DPP6: variants seen among roughly 807,000 people sequenced by gnomAD.
DPP6 encodes the protein A-type potassium channel modulatory protein DPP6.
A neutral mutation model predicts 122.6 loss-of-function variants in DPP6; 69 were observed. That is an observed-to-expected ratio of 0.56 (90% confidence interval 0.46 to 0.69). The LOEUF is 0.69. Ranked by LOEUF, DPP6 falls within the 30% of genes least tolerant of loss-of-function variation. The pLI, the probability that DPP6 is intolerant of heterozygous loss-of-function variation, is 0.00. For synonymous variants in DPP6, 418 were observed against 433.1 expected (o/e 0.97, Z 0.43); for missense variants, 928 against 1,116.9 (o/e 0.83, Z 2.41).
intron 2 of DPP6, among the ~76,000 whole-genome samples, chr7:154,472,329 A>G (rs1287276811): frequency 6.6e-6 from 1 of 152,186 alleles, no homozygotes. Context: ...CAATGCCAAC[A>G]CACACAATCT....
the DPP6 span, among the ~76,000 whole-genome samples, chr7:153,767,637 C>T: frequency 2.0e-5 from 3 of 151,346 alleles, no homozygotes; most frequent in East Asian, 5.8e-4. Flanking sequence ...CCTCAGCCTC[C>T]CAAAGTGCTG....
At chr7:154,567,923 T>C (rs925648522) in intron 5 of DPP6, among the ~76,000 whole-genome samples, 1 of 152,260 alleles carries the variant, frequency 6.6e-6, no homozygotes, top group Non-Finnish European at 1.5e-5. Flanking sequence ...ATTGGACAAC[T>C]GGATTACTGG....
chr7:154,339,065 T>C (rs1809684408), intron 1 of DPP6, among the ~76,000 whole-genome samples: 1 of 152,220 alleles, frequency 6.6e-6, no homozygotes, highest in South Asian at 2.1e-4. Context: ...AGATTATTTG[T>C]TTCCTCTTAA....
intron 1 of DPP6, among the ~76,000 whole-genome samples, chr7:153,983,002 C>T (rs1338090578): frequency 1.3e-5 from 2 of 152,188 alleles, no homozygotes; most frequent in African/African-American, 4.8e-5. Context: ...GGAGGTGTCT[C>T]CCCGTCAGGA....
At chr7:154,321,606 AC>A (rs1435548013) in intron 1 of DPP6, among the ~76,000 whole-genome samples, 1 of 151,900 alleles carries the variant, frequency 6.6e-6, no homozygotes, top group African/African-American at 2.4e-5. Flanking sequence ...ATATGGTGAA[AC>A]CCCGTCTCTA....
At chr7:154,774,441 T>C (rs569462469) in intron 10 of DPP6, among the ~76,000 whole-genome samples, 1 of 152,314 alleles carries the variant, frequency 6.6e-6, no homozygotes, top group South Asian at 2.1e-4. Flanking sequence ...AGCCATCTGT[T>C]TGAGTTAATT....
chr7:153,947,042 T>C (rs543684556), intron 1 of DPP6, among the ~76,000 whole-genome samples: 20 of 152,144 alleles, frequency 1.3e-4, no homozygotes, highest in Non-Finnish European at 2.4e-4. Context: ...CCGGGGATGA[T>C]TCACAAGGGT....
intron 1 of DPP6, among the ~76,000 whole-genome samples, chr7:154,117,363 A>G (rs1021282201): frequency 1.2e-4 from 18 of 152,178 alleles, no homozygotes; most frequent in South Asian, 2.1e-4. Flanking sequence ...AAGTTACTGC[A>G]GTCCTGTCTT....
chr7:154,214,795 A>C (rs551866868), intron 1 of DPP6, among the ~76,000 whole-genome samples: 1 of 152,196 alleles, frequency 6.6e-6, no homozygotes, highest in East Asian at 1.9e-4. Flanking sequence ...GTGTGTGCCT[A>C]TAGTCCTAGC....
Position 153,999,180 on chromosome 7 carries a change from A to T in DPP6, c.51+111446A>T, listed in dbSNP as rs189969914. The stretch of plus-strand genomic sequence containing the variant: ...GAGCTGTATTGTTCTGTGATGTGGG[A>T]CAATCTTCTCGAGCAGTATCAATGC... On this transcript the variant is annotated intron_variant, in intron 1 of 25. Transcript: ENST00000404039. Among the ~76,000 whole-genome samples, 4 of 152,304 alleles carry T rather than the reference A, an allele frequency of 2.6e-5. No homozygotes were observed. The East Asian group carries it at 7.7e-4, about 29-fold the overall frequency.
chr7:154,412,082 G>A lies in DPP6; in HGVS notation c.244-34132G>A, dbSNP rs532440216. 7.9e-4 allele frequency among the ~76,000 whole-genome samples: 120 copies of A among 152,208 alleles called. 1 individual carries two copies. Among genetic ancestry groups the A allele is most frequent in the African/African-American group, 2.7e-3 (113 of 41,514 alleles). On this transcript the variant is annotated intron_variant, in intron 1 of 25. Coordinates refer to ENST00000377770, the MANE Select transcript of DPP6 (RefSeq NM_130797.4). ...AATAGCACCTCCTTGTCAAGTCCTCGAATAGTGGAAGGGGTGAGAGAGCTC... is the reference window on the plus strand; with the variant it reads ...AATAGCACCTCCTTGTCAAGTCCTCAAATAGTGGAAGGGGTGAGAGAGCTC...
intron 1 of DPP6, among the ~76,000 whole-genome samples, chr7:154,184,526 G>T (rs1047316443): frequency 1.3e-5 from 2 of 152,038 alleles, no homozygotes; most frequent in African/African-American, 4.8e-5. Flanking sequence ...TCCCACAGAC[G>T]TCCTAGCAGC....
chr7:154,273,905 G>A (rs1674229858), intron 1 of DPP6, among the ~76,000 whole-genome samples: 1 of 152,200 alleles, frequency 6.6e-6, no homozygotes, highest in Non-Finnish European at 1.5e-5. Flanking sequence ...TGAGACAGGT[G>A]CAGAGTGTGA....
At chr7:153,843,172 A>G in the DPP6 span, among the ~76,000 whole-genome samples, 2 of 152,052 alleles carry the variant, frequency 1.3e-5, no homozygotes, top group Non-Finnish European at 2.9e-5. Context: ...GCATACACAC[A>G]CGAGTGCATA....
chr7:153,916,166 G>T (rs1289809027), intron 1 of DPP6, among the ~76,000 whole-genome samples: 3 of 151,598 alleles, frequency 2.0e-5, no homozygotes, highest in Non-Finnish European at 4.4e-5. Context: ...GTAGAGATGG[G>T]GTTTCACCAT....
chr7:154,511,701 C>T lies in DPP6; in HGVS notation c.458-28831C>T, dbSNP rs886916083. Among the ~76,000 whole-genome samples, 11 of 152,266 alleles carry T rather than the reference C, an allele frequency of 7.2e-5. No homozygotes were observed. The East Asian group carries it at 1.7e-3, about 24-fold the overall frequency. On this transcript the variant is annotated intron_variant, in intron 3 of 25. Coordinates refer to ENST00000377770, the MANE Select transcript of DPP6 (RefSeq NM_130797.4). ...ATAAATACAAGTATGTCCTGTAAAG[C>T]GGTTTGCATCCTGGTAACACCTAAT...
chr7:154,109,550 C>T (rs1371040734), intron 1 of DPP6, among the ~76,000 whole-genome samples: 2 of 152,184 alleles, frequency 1.3e-5, no homozygotes, highest in African/African-American at 4.8e-5. Flanking sequence ...CCTCAGCCTC[C>T]CAAAATGCTG....
chr7:153,969,391 G>A (rs199836490), intron 1 of DPP6, among the ~76,000 whole-genome samples: 3,234 of 146,692 alleles, frequency 0.022, 167 homozygotes, highest in African/African-American at 0.069. Flanking sequence ...ACAGAAGAGC[G>A]GCTTTTTGGG....
At chr7:154,074,110 G>T (rs10234260) in intron 1 of DPP6, among the ~76,000 whole-genome samples, 1 of 46,854 alleles carries the variant, frequency 2.1e-5, no homozygotes, top group African/African-American at 9.3e-5. Flanking sequence ...TAGAGATAGA[G>T]AGATATATAT....
Sources: gnomAD v4.1 joint callset for allele counts (sites outside exome capture counted in the v4.1 genomes callset) on GRCh38, gnomAD v4.1.1 for gene constraint, MANE v1.5 for transcripts, NCBI Gene and HGNC (gene_info 2026-07-23, HGNC 2026-07-21) for gene names.